Variants in KCNC1 observed in about 807,000 individuals in gnomAD.
KCNC1 encodes potassium voltage-gated channel subfamily C member 1.
In KCNC1, 8 loss-of-function variants were observed where a neutral mutation model predicts 43.4. The observed-to-expected ratio is 0.18, with a 90% CI of 0.11 to 0.33. The LOEUF (loss-of-function observed/expected upper bound fraction) is 0.33. KCNC1 is among the 10% of genes least tolerant of loss of function. The probability of loss-of-function intolerance (pLI) is 1.00; values close to 1 mark genes in which losing one functional copy is unlikely to be tolerated. For missense variants in KCNC1, 420 were observed against 836.0 expected (o/e 0.50, Z 6.14); for synonymous variants, 361 against 360.5 (o/e 1.00, Z -0.01).
At chr11:17,738,806 G>T (rs941400256) in intron 1 of KCNC1, among the ~76,000 whole-genome samples, 9 of 152,204 alleles carry the variant, frequency 5.9e-5, no homozygotes, top group African/African-American at 2.2e-4. Flanking sequence ...CCCGGTGGTC[G>T]GGGTGAGGCG....
chr11:17,772,708 C>T, intron 2 of KCNC1, 110 bp downstream of exon 2: 5 of 1,526,894 alleles, frequency 3.3e-6, no homozygotes, highest in African/African-American at 2.8e-5. Context: ...TGACCCCGGA[C>T]CCCGCACTCA....
chr11:17,745,434 C>G (rs2336851), intron 1 of KCNC1, among the ~76,000 whole-genome samples: 132,563 of 152,136 alleles, frequency 0.87, 58,123 homozygotes, highest in East Asian at 1. Context: ...TGCATCGCAC[C>G]CCTCCACAGC....
intron 1 of KCNC1, among the ~76,000 whole-genome samples, chr11:17,768,286 C>A (rs937713992): frequency 1.9e-4 from 29 of 152,196 alleles, no homozygotes; most frequent in African/African-American, 7.0e-4. Context: ...GGAGCACTCT[C>A]CAGCAGAAGG....
At chr11:17,762,191 A>G (rs1849085340) in intron 1 of KCNC1, among the ~76,000 whole-genome samples, 2 of 151,956 alleles carry the variant, frequency 1.3e-5, no homozygotes, top group African/African-American at 4.8e-5. Flanking sequence ...CCTCACTCAC[A>G]CTGCATGGGC....
At chr11:17,750,345 G>A (rs571084955) in intron 1 of KCNC1, among the ~76,000 whole-genome samples, 8 of 152,260 alleles carry the variant, frequency 5.3e-5, no homozygotes, top group African/African-American at 1.4e-4. Flanking sequence ...AGCCTCAGCC[G>A]GTTGCCCACA....
intron 1 of KCNC1, among the ~76,000 whole-genome samples, chr11:17,769,012 G>A (rs1849191205): frequency 6.6e-6 from 1 of 152,232 alleles, no homozygotes; most frequent in South Asian, 2.1e-4. Flanking sequence ...CTTCTACATT[G>A]TTTTCCTGGT....
intron 1 of KCNC1, among the ~76,000 whole-genome samples, chr11:17,740,356 G>T (rs1018087574): frequency 1.3e-5 from 2 of 152,110 alleles, no homozygotes; most frequent in Non-Finnish European, 2.9e-5. Flanking sequence ...GATTTCCTGG[G>T]GCCATGAGAA....
Position 17,775,502 on chromosome 11 carries a change from A to G in KCNC1, c.1504+2904A>G, listed in dbSNP as rs1373634406. 16 of 985,150 alleles carry G rather than the reference A, an allele frequency of 1.6e-5. No homozygotes were observed. In the Admixed American group the frequency reaches 8.6e-4, roughly 53 times the overall value. The allele number at this position is 985,150 out of a possible 1,614,324, so 61.0% of individuals were successfully genotyped here. A position where few individuals can be genotyped will look rare whatever the true frequency, so the allele number is the denominator to read the frequency against. ...ACCTGGTTGTAGGACCTCTTGGGGG[A>G]TGCTAGGAGGGCGCCCTGGCACAGC... On this transcript the variant is annotated intron_variant, in intron 2 of 3. Transcript: ENST00000265969.
intron 1 of KCNC1, among the ~76,000 whole-genome samples, chr11:17,748,982 C>G (rs920968340): frequency 1.3e-5 from 2 of 152,090 alleles, no homozygotes; most frequent in African/African-American, 4.8e-5. Flanking sequence ...GGGGCCTTGC[C>G]GGGGAGAGAT....
intron 3 of KCNC1, chr11:17,780,482 C>T (rs1451963065): frequency 1.3e-5 from 2 of 152,344 alleles, no homozygotes; most frequent in African/African-American, 4.8e-5. Context: ...GCTCAAGGCT[C>T]CAGGCACTGG....
chr11:17,781,571 T>C lies in KCNC1; in HGVS notation c.1694-99T>C, dbSNP rs1849347066. The stretch of plus-strand genomic sequence containing the variant: ...GAATCTGCCTGCCTCTGCATGCGGC[T>C]GTTCTGTCTTTCCTCCTCCTTCTTA... On this transcript the variant is annotated intron_variant, in intron 3 of 3. Transcript: ENST00000265969. This position sits in a 1 kb window ranked among gnomAD's most constrained non-coding sequence, Gnocchi z 5.1. 2 of 837,224 alleles carry C rather than the reference T, an allele frequency of 2.4e-6. No homozygotes were observed. The highest frequency in any genetic ancestry group is 3.9e-6 in the Non-Finnish European group (2 of 510,194). The allele number at this position is 837,224 out of a possible 1,614,324, so 51.9% of individuals were successfully genotyped here.
chr11:17,753,505 C>T (rs1398265383), intron 1 of KCNC1, among the ~76,000 whole-genome samples: 1 of 152,238 alleles, frequency 6.6e-6, no homozygotes, highest in African/African-American at 2.4e-5. Flanking sequence ...GTTCCATCTG[C>T]CAGGGAAGGG....
Position 17,779,163 on chromosome 11 carries a change from C to T in KCNC1, c.1505-293C>T. 3.3e-6 allele frequency: 1 copy of T among 303,872 alleles called. No individual in the cohort carries two copies. The highest frequency in any genetic ancestry group is 6.1e-6 in the Non-Finnish European group (1 of 165,214). The allele number at this position is 303,872 out of a possible 1,614,324, so 18.8% of individuals were successfully genotyped here. On this transcript the variant is annotated intron_variant, in intron 2 of 3. Transcript: ENST00000265969. This position sits in a 1 kb window ranked among gnomAD's most constrained non-coding sequence, Gnocchi z 7.2. Reference sequence around the variant, plus strand: ...GGCCCTGCTTGGGGCCCGGGGCCGGCCCCCAGCACCACACCTGCTGGATCC... The same window carrying T: ...GGCCCTGCTTGGGGCCCGGGGCCGGTCCCCAGCACCACACCTGCTGGATCC...
At chr11:17,761,308 C>T (rs1435787558) in intron 1 of KCNC1, among the ~76,000 whole-genome samples, 3 of 152,260 alleles carry the variant, frequency 2.0e-5, no homozygotes, top group Non-Finnish European at 2.9e-5. Context: ...TTAACTATTG[C>T]TCTGCTCACC....
In KCNC1 at chr11:17,776,395, C is replaced by T. The variant is rs866664067; in HGVS notation, c.1505-3061C>T. On this transcript the variant is annotated intron_variant, in intron 2 of 3. Transcript: ENST00000265969. The surrounding 1 kb of genome is among the most constrained non-coding windows in gnomAD (Gnocchi z 4.4). The stretch of plus-strand genomic sequence containing the variant: ...CCAGCAACCCCCAACCCACCCCAGC[C>T]CCGCGTGCGCCCCTCCGGTGCCCGC... 3 of 985,446 alleles carry T rather than the reference C, an allele frequency of 3.0e-6. No individual in the cohort carries two copies. The highest frequency in any genetic ancestry group is 1.0e-3 in the Middle Eastern group (2 of 1,914). The allele number at this position is 985,446 out of a possible 1,614,324, so 61.0% of individuals were successfully genotyped here.
intron 1 of KCNC1, among the ~76,000 whole-genome samples, chr11:17,741,885 A>G (rs1327379739): frequency 1.3e-5 from 2 of 151,868 alleles, no homozygotes; most frequent in African/African-American, 4.8e-5. Flanking sequence ...CCGACACCCC[A>G]CCTCAAACAG....
intron 2 of KCNC1, chr11:17,774,335 T>C (rs1348499992): frequency 1.0e-6 from 1 of 985,398 alleles, no homozygotes; most frequent in Non-Finnish European, 1.2e-6. Context: ...TCAGCCTGAG[T>C]GGCATCACTG....
At chr11:17,769,698 A>T (rs113340803) in intron 1 of KCNC1, among the ~76,000 whole-genome samples, 3,105 of 152,134 alleles carry the variant, frequency 0.02, 44 homozygotes, top group African/African-American at 0.031. Flanking sequence ...ATAAATAAAT[A>T]AATTAATTAA....
intron 1 of KCNC1, among the ~76,000 whole-genome samples, chr11:17,768,619 G>T (rs892239636): frequency 2.0e-5 from 3 of 151,856 alleles, no homozygotes; most frequent in Non-Finnish European, 2.9e-5. Context: ...TGGTGGGGGG[G>T]GGGGCGGTTT....
Sources: gnomAD v4.1 joint callset for allele counts (sites outside exome capture counted in the v4.1 genomes callset) on GRCh38, gnomAD v4.1.1 for gene constraint, Gnocchi (gnomAD v3.1) non-coding constraint, MANE v1.5 for transcripts, NCBI Gene and HGNC (gene_info 2026-07-23, HGNC 2026-07-21) for gene names.